CUX1: variants seen among roughly 807,000 people sequenced by gnomAD.
The protein encoded by CUX1 is protein CASP.
CUX1 carries 31 observed loss-of-function variants against 158.8 expected under a neutral mutation model. The observed-to-expected ratio is 0.20, with a 90% CI of 0.15 to 0.26. The LOEUF (loss-of-function observed/expected upper bound fraction) is 0.26, where lower values mean the gene tolerates loss of function less well. Ranked by LOEUF, CUX1 falls within the 10% of genes least tolerant of loss-of-function variation. The probability of loss-of-function intolerance (pLI) is 1.00; values close to 1 mark genes in which losing one functional copy is unlikely to be tolerated. For missense variants in CUX1, 1,589 were observed against 2,014.6 expected (o/e 0.79, Z 4.04); for synonymous variants, 879 against 862.1 (o/e 1.02, Z -0.34).
At chr7:102,080,327 C>T (rs1191824182) in intron 4 of CUX1, among the ~76,000 whole-genome samples, 1 of 152,184 alleles carries the variant, frequency 6.6e-6, no homozygotes, top group East Asian at 1.9e-4. Context: ...GACAGCTTTT[C>T]ATCAGTCGCT....
chr7:101,969,032 C>T (rs1410709020), intron 2 of CUX1, among the ~76,000 whole-genome samples: 1 of 151,874 alleles, frequency 6.6e-6, no homozygotes, highest in Non-Finnish European at 1.5e-5. Flanking sequence ...GAGAGTTAAA[C>T]AAACAGGCAC....
intron 1 of CUX1, among the ~76,000 whole-genome samples, chr7:101,845,501 C>T (rs773055761): frequency 3.3e-5 from 5 of 152,154 alleles, no homozygotes; most frequent in Non-Finnish European, 5.9e-5. Flanking sequence ...TTACCTCCTA[C>T]TGAGACCCAC....
rs562730632 is a variant in CUX1, at chr7:102,195,654, G to A, written c.1222+51G>A. 3 of 1,503,514 alleles carry A rather than the reference G, an allele frequency of 2.0e-6. No individual in the cohort carries two copies. In the African/African-American group the frequency reaches 4.1e-5, roughly 21 times the overall value. The allele number at this position is 1,503,514 out of a possible 1,614,324, so 93.1% of individuals were successfully genotyped here. On this transcript the variant is annotated intron_variant, in intron 14 of 23. Coordinates refer to ENST00000292535, the MANE Select transcript of CUX1 (RefSeq NM_181552.4). ...TGCGGTGGTTGGTTCGCTTCCAGGG[G>A]TCGGTCGAGGACGAGGAAGGTGAAT...
intron 23 of CUX1, among the ~76,000 whole-genome samples, chr7:102,240,944 CT>C (rs1800137886): frequency 6.6e-6 from 1 of 152,164 alleles, no homozygotes; most frequent in Non-Finnish European, 1.5e-5. Flanking sequence ...CCTCAGCCTC[CT>C]GAGTGGCTGA....
chr7:102,112,336 G>A (rs192704278), intron 7 of CUX1, among the ~76,000 whole-genome samples: 45 of 150,772 alleles, frequency 3.0e-4, no homozygotes, highest in African/African-American at 1.1e-3. Flanking sequence ...CCGCCTCCTG[G>A]GTTAATGCCA....
At chr7:101,963,814 GCTAA>G (rs764877636) in intron 2 of CUX1, among the ~76,000 whole-genome samples, 18 of 151,942 alleles carry the variant, frequency 1.2e-4, no homozygotes, top group South Asian at 2.1e-4. Context: ...ACGACATCTG[GCTAA>G]CTTTTTAATT....
downstream of CUX1, among the ~76,000 whole-genome samples, chr7:102,261,758 T>G (rs1365480274): frequency 6.6e-6 from 1 of 152,132 alleles, no homozygotes; most frequent in Non-Finnish European, 1.5e-5. Flanking sequence ...TCAGGAAATC[T>G]TTGAAAGAAT....
At chr7:101,891,008 G>A (rs112527054) in intron 1 of CUX1, among the ~76,000 whole-genome samples, 29 of 151,888 alleles carry the variant, frequency 1.9e-4, no homozygotes, top group African/African-American at 5.1e-4. Context: ...GAGCGGGGGC[G>A]GGGGGAATAT....
rs190462903 is a variant in CUX1, at chr7:102,130,109, A to G, written c.674+14836A>G. ...TGCTATTTGTTGAGGAATGTCTCCA[A>G]TTGCCAGAAAGACAGTGGGGTGTCT... On this transcript the variant is annotated intron_variant, in intron 8 of 23. Coordinates refer to ENST00000292535, the MANE Select transcript of CUX1 (RefSeq NM_181552.4). Among the ~76,000 whole-genome samples the G allele has an allele frequency of 2.0e-3, 306 of 152,248 alleles. 1 individual carries two copies. Among genetic ancestry groups the G allele is most frequent in the African/African-American group, 6.1e-3 (254 of 41,542 alleles).
At chr7:102,229,887 G>T (rs1798783465) in intron 21 of CUX1, among the ~76,000 whole-genome samples, 1 of 151,548 alleles carries the variant, frequency 6.6e-6, no homozygotes, top group Non-Finnish European at 1.5e-5. Context: ...CTCCAAAAAT[G>T]CTGGGATTAC....
intron 3 of CUX1, among the ~76,000 whole-genome samples, chr7:102,043,374 G>T (rs1822358015): frequency 1.8e-5 from 2 of 108,268 alleles, no homozygotes; most frequent in Non-Finnish European, 4.2e-5. Context: ...TGTGTGTTGA[G>T]AACACTTGAG....
At chr7:101,895,914 T>TTTTTTTTTTTTTTTTTTTTTTTTTG in intron 1 of CUX1, among the ~76,000 whole-genome samples, 1 of 131,296 alleles carries the variant, frequency 7.6e-6, no homozygotes, top group Non-Finnish European at 1.6e-5. Flanking sequence ...TTTTGTTTTT[T>TTTTTTTTTTTTTTTTTTTTTTTTTG]TTTTTTTTTT....
chr7:101,826,040 C>T (rs967471382), intron 1 of CUX1, among the ~76,000 whole-genome samples: 4 of 152,108 alleles, frequency 2.6e-5, no homozygotes, highest in Non-Finnish European at 4.4e-5. Flanking sequence ...GACCACATTT[C>T]TTAGGGTAGC....
intron 1 of CUX1, among the ~76,000 whole-genome samples, chr7:101,839,282 T>C (rs1794956248): frequency 6.6e-6 from 1 of 152,128 alleles, no homozygotes; most frequent in Non-Finnish European, 1.5e-5. Flanking sequence ...TCACCCTCGG[T>C]GGTATCTGAC....
intron 2 of CUX1, among the ~76,000 whole-genome samples, chr7:101,945,078 C>T (rs1808211945): frequency 6.6e-6 from 1 of 152,244 alleles, no homozygotes; most frequent in Non-Finnish European, 1.5e-5. Flanking sequence ...CACTCTGGGA[C>T]TCCTTCCACA....
chr7:102,205,555 G>A lies in CUX1; in HGVS notation c.3130+385G>A, dbSNP rs184801667. Among the ~76,000 whole-genome samples the A allele has an allele frequency of 3.0e-4, 46 of 152,258 alleles. No homozygotes were observed. In the East Asian group the frequency reaches 7.5e-3, roughly 25 times the overall value. ...ATGTCGGGGGACTTCTTATCTAACC[G>A]GAAGACATCCAGGCAGCCTCTGAGC... On this transcript the variant is annotated intron_variant, in intron 20 of 23. Transcript: ENST00000292535.
intron 1 of CUX1, among the ~76,000 whole-genome samples, chr7:101,843,641 G>A (rs1387406328): frequency 6.6e-6 from 1 of 151,898 alleles, no homozygotes; most frequent in African/African-American, 2.4e-5. Context: ...GCCTGGAGTA[G>A]GGATTCCTGT....
chr7:101,871,321 CTTT>C (rs34207946), intron 1 of CUX1, among the ~76,000 whole-genome samples: 1 of 146,822 alleles, frequency 6.8e-6, no homozygotes, highest in Non-Finnish European at 1.5e-5. Context: ...AAAAAAAAGC[CTTT>C]TTTTTTTTTT....
intron 15 of CUX1, chr7:102,273,507 C>G: frequency 6.2e-7 from 1 of 1,603,258 alleles, no homozygotes. Flanking sequence ...AGCCCACCCC[C>G]CTGCCCCATG....
Sources: allele counts gnomAD v4.1 joint callset (sites outside exome capture counted in the v4.1 genomes callset), GRCh38; gene constraint gnomAD v4.1.1; transcripts MANE v1.5; gene names NCBI Gene and HGNC (gene_info 2026-07-23, HGNC 2026-07-21).